Variants in SERPINB5 observed in about 807,000 individuals in gnomAD.
The protein encoded by SERPINB5 is serpin family B member 5.
A neutral mutation model predicts 32.2 loss-of-function variants in SERPINB5; 27 were observed. The observed-to-expected ratio is 0.84, with a 90% CI of 0.62 to 1.16. The LOEUF is 1.16. SERPINB5 is among the 50% of genes most tolerant of loss of function. The probability of loss-of-function intolerance (pLI) is 0.00; values close to 1 mark genes in which losing one functional copy is unlikely to be tolerated. For synonymous variants in SERPINB5, 154 were observed against 157.4 expected (o/e 0.98, Z 0.16); for missense variants, 388 against 436.3 (o/e 0.89, Z 0.99).
chr18:63,499,040 C>CGTGTGTGT (rs1360248374), intron 5 of SERPINB5, 80 bp from the exon 6 acceptor site: 1 of 537,456 alleles, frequency 1.9e-6, no homozygotes. Flanking sequence ...TGTGTGCGCG[C>CGTGTGTGT]GTGTGTGTAT....
Position 63,487,029 on chromosome 18 carries a change from C to G in SERPINB5, c.252C>G (p.Tyr84Ter). The G allele has an allele frequency of 6.2e-7, 1 of 1,614,034 alleles. No homozygotes were observed. The highest frequency in any genetic ancestry group is 2.2e-5 in the East Asian group (1 of 44,890). ...ATGTAAACAAACTTAGTTCCTTTTACTCACTGAAACTAATCAAGCGGCTCT... is the reference window on the plus strand; with the variant it reads ...ATGTAAACAAACTTAGTTCCTTTTAGTCACTGAAACTAATCAAGCGGCTCT... ...TSDVNKLSSF[Y>*]SLKLIKRLYV... Residue 84 changes from tyrosine (Y) to a stop codon, truncating the protein, a stop_gained, in exon 3 of 7, where the codon TAC (tyrosine) becomes TAG (stop). Coordinates refer to ENST00000382771, the MANE Select transcript of SERPINB5 (RefSeq NM_002639.5). LOFTEE classifies it high-confidence loss of function.
chr18:63,491,506 G>T (rs1317353801), intron 4 of SERPINB5, among the ~76,000 whole-genome samples: 3 of 142,860 alleles, frequency 2.1e-5, no homozygotes, highest in Non-Finnish European at 4.5e-5. Context: ...ATAGAATGTT[G>T]CTCTGTCGCC....
At chr18:63,477,985 C>T (rs1917062314) in intron 1 of SERPINB5, among the ~76,000 whole-genome samples, 1 of 152,172 alleles carries the variant, frequency 6.6e-6, no homozygotes, top group Admixed American at 6.5e-5. Flanking sequence ...TTCCACAACA[C>T]CGTGGGTTCT....
At position 63,489,466 on chromosome 18, in the gene SERPINB5, CA is replaced by C. The variant is rs1276443615; in HGVS notation, c.424+4del. 5 of 1,534,928 alleles carry C rather than the reference CA, an allele frequency of 3.3e-6. No individual in the cohort carries two copies. Among genetic ancestry groups the C allele is most frequent in the Non-Finnish European group, 4.5e-6 (5 of 1,110,972 alleles). On this transcript the variant is annotated splice_donor_region_variant and intron_variant, in intron 4 of 6. Coordinates refer to ENST00000382771, the MANE Select transcript of SERPINB5 (RefSeq NM_002639.5). ...ACTCAATTAAGGATCTCACAGATGGCAAGTACCCTTTAATTGTTCTGCTATC... is the reference window on the plus strand; with the variant it reads ...ACTCAATTAAGGATCTCACAGATGGCAGTACCCTTTAATTGTTCTGCTATC...
chr18:63,488,283 C>G (rs927432290), intron 3 of SERPINB5, among the ~76,000 whole-genome samples: 30 of 152,178 alleles, frequency 2.0e-4, no homozygotes, highest in African/African-American at 7.0e-4. Flanking sequence ...TGAAGAAATT[C>G]AAGAAGCCCT....
chr18:63,503,762 G>T lies in SERPINB5; in HGVS notation c.*40G>T. 1 of 1,585,396 alleles carries T rather than the reference G, an allele frequency of 6.3e-7. No homozygotes were observed. Among genetic ancestry groups the T allele is most frequent in the South Asian group, 1.1e-5 (1 of 88,324 alleles). ...GTTAAGTCCTCCCTGACTTTTCTGTGGATGCCGATTTCTGTAAACTCTGCA... is the reference window on the plus strand; with the variant it reads ...GTTAAGTCCTCCCTGACTTTTCTGTTGATGCCGATTTCTGTAAACTCTGCA... On this transcript the variant is annotated 3_prime_UTR_variant, in exon 7 of 7. Transcript: ENST00000382771.
At chr18:63,479,038 G>A (rs952317019) in intron 1 of SERPINB5, among the ~76,000 whole-genome samples, 1 of 152,142 alleles carries the variant, frequency 6.6e-6, no homozygotes, top group African/African-American at 2.4e-5. Flanking sequence ...GGGATTACAG[G>A]TGTGAGCCAC....
At chr18:63,486,176 AT>A in intron 2 of SERPINB5, among the ~76,000 whole-genome samples, 1 of 152,216 alleles carries the variant, frequency 6.6e-6, no homozygotes. Flanking sequence ...GAAAGCAGGT[AT>A]TTTCAGCCCA....
intron 1 of SERPINB5, among the ~76,000 whole-genome samples, chr18:63,481,150 G>A (rs59817668): frequency 0.024 from 3,648 of 152,312 alleles, 149 homozygotes; most frequent in African/African-American, 0.083. Flanking sequence ...AGCATTAATT[G>A]TATTGTGTAA....
intron 5 of SERPINB5, among the ~76,000 whole-genome samples, chr18:63,494,004 T>C (rs1361446982): frequency 6.6e-6 from 1 of 152,142 alleles, no homozygotes; most frequent in African/African-American, 2.4e-5. Flanking sequence ...CCAGTCTCAT[T>C]GATACTGTTG....
Position 63,503,757 on chromosome 18 carries a change from T to C in SERPINB5, c.*35T>C, listed in dbSNP as rs1047981615. On this transcript the variant is annotated 3_prime_UTR_variant, in exon 7 of 7. Coordinates refer to ENST00000382771, the MANE Select transcript of SERPINB5 (RefSeq NM_002639.5). ...CCCATGTTAAGTCCTCCCTGACTTT[T>C]CTGTGGATGCCGATTTCTGTAAACT... 1.9e-6 allele frequency: 3 copies of C among 1,595,440 alleles called. No homozygotes were observed. The highest frequency in any genetic ancestry group is 1.8e-5 in the Admixed American group (1 of 55,808).
intron 2 of SERPINB5, 146 bp downstream of exon 2, chr18:63,484,742 T>A: frequency 1.6e-4 from 32 of 201,822 alleles, no homozygotes; most frequent in African/African-American, 5.3e-4. Context: ...TCTCTTAATC[T>A]TTTTTTTTTT....
chr18:63,491,720 C>A (rs929946821), intron 4 of SERPINB5, among the ~76,000 whole-genome samples: 18 of 152,102 alleles, frequency 1.2e-4, no homozygotes, highest in African/African-American at 4.3e-4. Context: ...GGTGATCCAC[C>A]CGCCTCAGCC....
At chr18:63,485,931 G>A (rs951624732) in intron 2 of SERPINB5, 1 of 152,484 alleles carries the variant, frequency 6.6e-6, no homozygotes, top group Non-Finnish European at 1.5e-5. Flanking sequence ...GAGCGAGGAG[G>A]GTGTCATCTT....
chr18:63,500,042 C>A (rs974663753), intron 6 of SERPINB5, among the ~76,000 whole-genome samples: 3 of 151,632 alleles, frequency 2.0e-5, no homozygotes, highest in Non-Finnish European at 4.4e-5. Flanking sequence ...GAGACAGGGT[C>A]TTGCTCCATT....
intron 1 of SERPINB5, among the ~76,000 whole-genome samples, chr18:63,478,952 G>A (rs1917081196): frequency 6.6e-6 from 1 of 151,976 alleles, no homozygotes; most frequent in African/African-American, 2.4e-5. Context: ...TAGACACAGG[G>A]TTTCACCATG....
At chr18:63,492,492 C>T (rs947687455) in intron 4 of SERPINB5, among the ~76,000 whole-genome samples, 5 of 152,190 alleles carry the variant, frequency 3.3e-5, no homozygotes, top group African/African-American at 9.7e-5. Flanking sequence ...AAAGTGATTA[C>T]GTATTTTCAT....
chr18:63,493,447 T>A (rs183673551), intron 5 of SERPINB5: 8 of 488,030 alleles, frequency 1.6e-5, no homozygotes, highest in African/African-American at 1.6e-4. Flanking sequence ...CTTTGGATTA[T>A]CATGAAACCT....
rs1276281398 is a variant in SERPINB5 at position 63,498,833 on chromosome 18, T to C, written c.568-287T>C. Among the ~76,000 whole-genome samples the C allele has an allele frequency of 2.1e-5, 3 of 140,858 alleles. No homozygotes were observed. The highest frequency in any genetic ancestry group is 4.7e-5 in the Non-Finnish European group (3 of 64,278). The allele number at this position is 140,858 out of a possible 152,430, so 92.4% of individuals were successfully genotyped here. On this transcript the variant is annotated intron_variant, in intron 5 of 6. Transcript: ENST00000382771. The surrounding 1 kb of genome is among the most constrained non-coding windows in gnomAD (Gnocchi z 4.2). ...CATGTGTGTATATATGTATGGGGTATATATATATAGTATGTATATATAAGT... is the reference window on the plus strand; with the variant it reads ...CATGTGTGTATATATGTATGGGGTACATATATATAGTATGTATATATAAGT...
Sources: allele counts gnomAD v4.1 joint callset (sites outside exome capture counted in the v4.1 genomes callset), GRCh38; gene constraint gnomAD v4.1.1; non-coding constraint Gnocchi (gnomAD v3.1); transcripts MANE v1.5; gene names NCBI Gene and HGNC (gene_info 2026-07-23, HGNC 2026-07-21).